TRPC7: variants seen among roughly 807,000 people sequenced by gnomAD.
TRPC7 encodes the protein short transient receptor potential channel 7.
A neutral mutation model predicts 90.1 loss-of-function variants in TRPC7; 42 were observed. That is an observed-to-expected ratio of 0.47 (90% CI 0.36 to 0.60). The LOEUF (loss-of-function observed/expected upper bound fraction) is 0.60, where lower values mean the gene tolerates loss of function less well. Ranked by LOEUF, TRPC7 falls within the 20% of genes least tolerant of loss-of-function variation. TRPC7 has a pLI of 0.00. For synonymous variants in TRPC7, 451 were observed against 436.3 expected (o/e 1.03, Z -0.42); for missense variants, 955 against 1,112.3 (o/e 0.86, Z 2.01).
intron 7 of TRPC7, among the ~76,000 whole-genome samples, chr5:136,244,705 A>G (rs547872740): frequency 1.3e-5 from 2 of 152,324 alleles, no homozygotes; most frequent in Non-Finnish European, 2.9e-5. Flanking sequence ...TCCCATGTGG[A>G]GTGGATACAT....
chr5:136,340,857 A>G (rs1759823894), intron 2 of TRPC7, among the ~76,000 whole-genome samples: 1 of 152,194 alleles, frequency 6.6e-6, no homozygotes, highest in African/African-American at 2.4e-5. Flanking sequence ...AGAAATACAA[A>G]TGAACATTAA....
At chr5:136,246,516 G>A (rs1756344392) in intron 7 of TRPC7, among the ~76,000 whole-genome samples, 1 of 152,148 alleles carries the variant, frequency 6.6e-6, no homozygotes. Context: ...AGTCCCCCTG[G>A]AGAGGTCCAT....
At chr5:136,334,630 C>A (rs344834) in intron 2 of TRPC7, among the ~76,000 whole-genome samples, 149,519 of 152,348 alleles carry the variant, frequency 0.98, 73,391 homozygotes, top group East Asian at 1. Flanking sequence ...CTCCCACAGC[C>A]TTTTATTCTT....
chr5:136,274,785 T>G lies in TRPC7; in HGVS notation c.1016A>C (p.Asn339Thr). The G allele has an allele frequency of 6.3e-7, 1 of 1,597,756 alleles. No homozygotes were observed. Residue 339 changes from asparagine to threonine, a missense_variant, in exon 4 of 12, where the codon AAT becomes ACT. Coordinates refer to ENST00000513104, the MANE Select transcript of TRPC7 (RefSeq NM_020389.3). ...QQQLLTMWYE[N>T]LSGLRQQSIA... ...AGACTGTTGACGTAAGCCTGAGAGATTTTCATACCACATGGTAAGCAATTG... is the reference window on the plus strand; with the variant it reads ...AGACTGTTGACGTAAGCCTGAGAGAGTTTCATACCACATGGTAAGCAATTG...
intron 2 of TRPC7, among the ~76,000 whole-genome samples, chr5:136,327,929 A>G (rs1239837716): frequency 1.3e-5 from 2 of 152,234 alleles, no homozygotes; most frequent in Non-Finnish European, 2.9e-5. Flanking sequence ...AACTGGAATC[A>G]TTAAAACAAT....
intron 3 of TRPC7, among the ~76,000 whole-genome samples, chr5:136,291,208 C>T (rs1327147575): frequency 6.6e-6 from 1 of 152,194 alleles, no homozygotes; most frequent in African/African-American, 2.4e-5. Context: ...TAAAGACCAT[C>T]AAGGCTAGGA....
intron 4 of TRPC7, among the ~76,000 whole-genome samples, chr5:136,270,365 C>T (rs747164977): frequency 2.0e-5 from 3 of 152,144 alleles, no homozygotes; most frequent in Non-Finnish European, 2.9e-5. Flanking sequence ...TCAATGTAAG[C>T]AATGCATTAT....
In TRPC7 at chr5:136,333,363, G is replaced by A. The variant is rs1410051740; in HGVS notation, c.781-17584C>T. Among the ~76,000 whole-genome samples the A allele has an allele frequency of 2.6e-5, 4 of 152,176 alleles. No homozygotes were observed. The East Asian group carries it at 7.7e-4, about 29-fold the overall frequency. The stretch of plus-strand genomic sequence containing the variant: ...TAAAGGCACAGAGGCACAAAAACAT[G>A]ATATATGATTATACAGGGAACTATG... On this transcript the variant is annotated intron_variant, in intron 2 of 11. Transcript: ENST00000513104.
intron 2 of TRPC7, among the ~76,000 whole-genome samples, chr5:136,339,518 A>G (rs1463777020): frequency 6.6e-6 from 1 of 152,194 alleles, no homozygotes; most frequent in Non-Finnish European, 1.5e-5. Context: ...CACTATTGTC[A>G]AACCTAAGAC....
In TRPC7 at chr5:136,266,274, C is replaced by T. The variant is rs770157211; in HGVS notation, c.1291G>A (p.Val431Met). The T allele has an allele frequency of 1.6e-5, 26 of 1,613,938 alleles. 1 individual carries two copies. In the South Asian group the frequency reaches 2.9e-4, roughly 18 times the overall value. The change falls in exon 5 of 12, where the codon GTG becomes ATG. Residue 431 changes from valine (V) to methionine (M), a missense_variant. Val to Met is a conservative substitution (Grantham distance 21). This residue lies in a region of TRPC7 where 484 missense variants were observed against 509.6 expected (regional missense o/e 0.95). Coordinates refer to ENST00000513104, the MANE Select transcript of TRPC7 (RefSeq NM_020389.3). ...GTCCAGGAGAACTGTGTGGTTTTCA[C>T]TCTGAAGATTTGTTTTGGGTAGTCT... ...FTDYPKQIFR[V>M]KTTQFSWTEM...
intron 2 of TRPC7, among the ~76,000 whole-genome samples, chr5:136,317,211 G>A (rs1188657683): frequency 2.0e-5 from 3 of 152,126 alleles, no homozygotes; most frequent in Non-Finnish European, 4.4e-5. Flanking sequence ...AACTTTTGGG[G>A]TTCTAGGTTT....
chr5:136,348,205 A>G (rs1176446154), intron 2 of TRPC7, among the ~76,000 whole-genome samples: 1 of 152,160 alleles, frequency 6.6e-6, no homozygotes, highest in Non-Finnish European at 1.5e-5. Flanking sequence ...ATGAAGTCCA[A>G]CTTCTTACAC....
intron 6 of TRPC7, among the ~76,000 whole-genome samples, chr5:136,248,657 G>T (rs1426815050): frequency 2.0e-5 from 3 of 152,174 alleles, no homozygotes; most frequent in African/African-American, 4.8e-5. Context: ...GGTAGGCAAG[G>T]GTCCTAGGAC....
At chr5:136,307,934 T>G (rs1275728274) in intron 3 of TRPC7, among the ~76,000 whole-genome samples, 1 of 152,208 alleles carries the variant, frequency 6.6e-6, no homozygotes, top group African/African-American at 2.4e-5. Flanking sequence ...TATTAGACAC[T>G]GTAATTTGTT....
chr5:136,262,715 AAC>A (rs1756897333), intron 5 of TRPC7, among the ~76,000 whole-genome samples: 1 of 152,228 alleles, frequency 6.6e-6, no homozygotes, highest in Non-Finnish European at 1.5e-5. Context: ...AACAAAAGCA[AAC>A]ATAAATAATA....
In TRPC7 at chr5:136,212,856, A is replaced by G. The variant is rs2149790494; in HGVS notation, c.*579T>C. On this transcript the variant is annotated 3_prime_UTR_variant, in exon 12 of 12. Coordinates refer to ENST00000513104, the MANE Select transcript of TRPC7 (RefSeq NM_020389.3). ...TGGATTTTGTTGTTGTTTTCTAAAC[A>G]GTGCTACCTACAGTACAGTTTTCAA... Among the ~76,000 whole-genome samples, 1 of 152,378 alleles carries G rather than the reference A, an allele frequency of 6.6e-6. No homozygotes were observed. The highest frequency in any genetic ancestry group is 2.4e-5 in the African/African-American group (1 of 41,594).
intron 3 of TRPC7, among the ~76,000 whole-genome samples, chr5:136,310,262 T>G (rs749568150): frequency 1.3e-5 from 2 of 152,206 alleles, no homozygotes; most frequent in African/African-American, 2.4e-5. Context: ...TTTGTTCACT[T>G]TCCTCATTTT....
intron 5 of TRPC7, among the ~76,000 whole-genome samples, chr5:136,262,509 C>T (rs1396169816): frequency 1.3e-5 from 2 of 152,132 alleles, no homozygotes; most frequent in African/African-American, 4.8e-5. Flanking sequence ...GGAGGGGAAG[C>T]GAGTCTTGTG....
chr5:136,292,132 C>G (rs1295075728), intron 3 of TRPC7, among the ~76,000 whole-genome samples: 1 of 152,192 alleles, frequency 6.6e-6, no homozygotes, highest in Non-Finnish European at 1.5e-5. Context: ...CTCTGGGACA[C>G]ATTCAAAGCA....
Sources: allele counts gnomAD v4.1 joint callset (sites outside exome capture counted in the v4.1 genomes callset), GRCh38; gene constraint gnomAD v4.1.1; regional missense constraint gnomAD v4.1.1; transcripts MANE v1.5; gene names NCBI Gene and HGNC (gene_info 2026-07-23, HGNC 2026-07-21).